Variants in ADAMTS12 observed in about 807,000 individuals in gnomAD.
ADAMTS12 encodes ADAM metallopeptidase with thrombospondin type 1 motif 12.
ADAMTS12 carries 118 observed loss-of-function variants against 167.8 expected under a neutral mutation model. The observed-to-expected ratio is 0.70, with a 90% CI of 0.61 to 0.82. ADAMTS12 has a LOEUF of 0.82. Among genes scored for constraint, ADAMTS12 ranks in the 40% least tolerant of loss-of-function variants. The pLI is 0.00. For synonymous variants in ADAMTS12, 704 were observed against 716.9 expected (o/e 0.98, Z 0.29); for missense variants, 1,916 against 1,998.8 (o/e 0.96, Z 0.79).
intron 2 of ADAMTS12, among the ~76,000 whole-genome samples, chr5:33,776,172 G>T (rs1745903908): frequency 6.6e-6 from 1 of 152,144 alleles, no homozygotes; most frequent in South Asian, 2.1e-4. Context: ...CATTGAGACA[G>T]AAAATAAATA....
intron 2 of ADAMTS12, among the ~76,000 whole-genome samples, chr5:33,812,077 G>T (rs1487447266): frequency 6.6e-6 from 1 of 152,144 alleles, no homozygotes; most frequent in Non-Finnish European, 1.5e-5. Context: ...CTTGAGCCCA[G>T]GAGTTTGAGA....
At chr5:33,557,416 T>A (rs1041853409) in intron 20 of ADAMTS12, among the ~76,000 whole-genome samples, 1 of 152,156 alleles carries the variant, frequency 6.6e-6, no homozygotes, top group Non-Finnish European at 1.5e-5. Context: ...AAAGAGAGCA[T>A]AAAAGGCCTA....
intron 2 of ADAMTS12, among the ~76,000 whole-genome samples, chr5:33,835,939 CTCTCTCTCTCTCTCTGTG>C (rs1473889016): frequency 4.3e-4 from 24 of 56,132 alleles, no homozygotes; most frequent in Non-Finnish European, 7.9e-4. Context: ...CTCTCTCTCT[CTCTCTCTCTCTCTCTGTG>C]TGTGTGTGTG....
chr5:33,648,704 T>C, intron 9 of ADAMTS12, 118 bp downstream of exon 9: 3 of 1,314,498 alleles, frequency 2.3e-6, no homozygotes, highest in Non-Finnish European at 2.1e-6. Flanking sequence ...TTGCCTTAAA[T>C]ATAAAGCTTC....
chr5:33,745,789 T>C (rs1561248822), intron 3 of ADAMTS12, among the ~76,000 whole-genome samples: 1 of 152,254 alleles, frequency 6.6e-6, no homozygotes, highest in Non-Finnish European at 1.5e-5. Context: ...GAAATTGTGC[T>C]GAGGCCTCTG....
At chr5:33,854,243 T>A (rs1749323076) in intron 2 of ADAMTS12, among the ~76,000 whole-genome samples, 1 of 152,170 alleles carries the variant, frequency 6.6e-6, no homozygotes, top group Non-Finnish European at 1.5e-5. Context: ...AGGGATTAGC[T>A]CTCTTTAATA....
At chr5:33,829,945 T>TCCAAGACCAA (rs1748231119) in intron 2 of ADAMTS12, among the ~76,000 whole-genome samples, 1 of 152,154 alleles carries the variant, frequency 6.6e-6, no homozygotes, top group African/African-American at 2.4e-5. Flanking sequence ...ACTCTCTTGG[T>TCCAAGACCAA]CTAGCCCATA....
chr5:33,677,773 T>G (rs946654139), intron 5 of ADAMTS12, among the ~76,000 whole-genome samples: 31 of 152,200 alleles, frequency 2.0e-4, no homozygotes, highest in Non-Finnish European at 5.9e-5. Context: ...GACACGTCTT[T>G]TCAGAACATG....
At chr5:33,551,439 C>T (rs1421072376) in intron 20 of ADAMTS12, among the ~76,000 whole-genome samples, 2 of 152,120 alleles carry the variant, frequency 1.3e-5, no homozygotes, top group Non-Finnish European at 2.9e-5. Flanking sequence ...CAAAGAAAAA[C>T]AGTAACAGCA....
At position 33,624,331 on chromosome 5, in the gene ADAMTS12, C is replaced by T; in HGVS notation, c.2043G>A (p.Glu681=). 1.2e-6 allele frequency: 2 copies of T among 1,614,046 alleles called. No individual in the cohort carries two copies. Among genetic ancestry groups the T allele is most frequent in the African/African-American group, 2.7e-5 (2 of 75,038 alleles). The change falls in exon 14 of 24, where the codon GAG becomes GAA. Residue 681 remains glutamate, a synonymous_variant. Coordinates refer to ENST00000504830, the MANE Select transcript of ADAMTS12 (RefSeq NM_030955.4). The stretch of plus-strand genomic sequence containing the variant: ...GATCCTCGGTGGCATTGGAATCGAT[C>T]TCATAGTCACAGCCAACCATCTGTG... ...GICKMVGCDY[E]IDSNATEDRC... is the part of the protein sequence containing the mutation.
chr5:33,596,687 T>C (rs1025089627), intron 16 of ADAMTS12, among the ~76,000 whole-genome samples: 3 of 152,116 alleles, frequency 2.0e-5, no homozygotes, highest in Non-Finnish European at 4.4e-5. Context: ...GTCTCCAAAA[T>C]ACTACTGCTA....
At position 33,715,602 on chromosome 5, in the gene ADAMTS12, G is replaced by A. The variant is rs142478489; in HGVS notation, c.635-31547C>T. Among the ~76,000 whole-genome samples, 273 of 152,110 alleles carry A rather than the reference G, an allele frequency of 1.8e-3. 1 individual carries two copies. Among genetic ancestry groups the A allele is most frequent in the African/African-American group, 6.2e-3 (257 of 41,512 alleles). The stretch of plus-strand genomic sequence containing the variant: ...ACTCTTCAGACCGAGCTAATTCTTC[G>A]GCTTTTGTAGTTGCTCAGCTTCTCG... On this transcript the variant is annotated intron_variant, in intron 3 of 23. Coordinates refer to ENST00000504830, the MANE Select transcript of ADAMTS12 (RefSeq NM_030955.4).
chr5:33,888,400 T>C (rs1302711549), intron 1 of ADAMTS12, among the ~76,000 whole-genome samples: 2 of 152,226 alleles, frequency 1.3e-5, no homozygotes, highest in Non-Finnish European at 2.9e-5. Context: ...CCACAGAAGG[T>C]TGGATTTGCT....
intron 2 of ADAMTS12, 156 bp downstream of exon 2, chr5:33,880,963 T>C (rs1451927850): frequency 9.3e-7 from 1 of 1,078,770 alleles, no homozygotes. Flanking sequence ...ATTTATTAAA[T>C]ACTTTCTCGC....
intron 2 of ADAMTS12, among the ~76,000 whole-genome samples, chr5:33,760,916 T>C (rs1338027309): frequency 2.8e-5 from 4 of 143,456 alleles, no homozygotes; most frequent in Non-Finnish European, 4.6e-5. Context: ...TGTGTGTGTG[T>C]GTGTGCGTAT....
At chr5:33,831,086 T>C (rs1240643636) in intron 2 of ADAMTS12, among the ~76,000 whole-genome samples, 1 of 152,080 alleles carries the variant, frequency 6.6e-6, no homozygotes, top group Non-Finnish European at 1.5e-5. Flanking sequence ...CATAGCTCCA[T>C]ATGATACACC....
At chr5:33,826,572 A>ATG (rs1167799671) in intron 2 of ADAMTS12, among the ~76,000 whole-genome samples, 69 of 70,196 alleles carry the variant, frequency 9.8e-4, no homozygotes, top group South Asian at 6.6e-3. Context: ...ATGTATGTGT[A>ATG]TGTGTGTGTG....
intron 2 of ADAMTS12, among the ~76,000 whole-genome samples, chr5:33,835,428 A>C (rs2111566521): frequency 6.6e-6 from 1 of 152,358 alleles, no homozygotes; most frequent in Admixed American, 6.5e-5. Flanking sequence ...AGGCTGCTAT[A>C]GGAAAATGCT....
chr5:33,680,337 C>T (rs4866360), intron 5 of ADAMTS12, among the ~76,000 whole-genome samples: 65,209 of 151,868 alleles, frequency 0.43, 14,338 homozygotes, highest in East Asian at 0.57. Flanking sequence ...CATTATTTCT[C>T]GGGAATGAAG....
Sources: gnomAD v4.1 joint callset for allele counts (sites outside exome capture counted in the v4.1 genomes callset) on GRCh38, gnomAD v4.1.1 for gene constraint, MANE v1.5 for transcripts, NCBI Gene and HGNC (gene_info 2026-07-23, HGNC 2026-07-21) for gene names.